PEMT: variants seen among roughly 807,000 people sequenced by gnomAD.
PEMT encodes phospholipid methyltransferase.
PEMT carries 23 observed loss-of-function variants against 27.4 expected under a neutral mutation model. That is an observed-to-expected ratio of 0.84 (90% CI 0.60 to 1.19). The LOEUF (loss-of-function observed/expected upper bound fraction) is 1.19. Ranked by LOEUF, PEMT falls within the 50% of genes most tolerant of loss-of-function variation. The pLI is 0.00. For synonymous variants in PEMT, 137 were observed against 139.1 expected (o/e 0.98, Z 0.11); for missense variants, 307 against 310.1 (o/e 0.99, Z 0.07).
chr17:17,524,848 G>A (rs981269360), intron 2 of PEMT, among the ~76,000 whole-genome samples: 3 of 152,104 alleles, frequency 2.0e-5, no homozygotes, highest in African/African-American at 4.8e-5. Flanking sequence ...GGTGGCTCAC[G>A]CCTGTAATCC....
chr17:17,529,839 C>A (rs1907958321), intron 2 of PEMT, among the ~76,000 whole-genome samples: 1 of 152,144 alleles, frequency 6.6e-6, no homozygotes, highest in South Asian at 2.1e-4. Context: ...AAGATGGAAC[C>A]CACCCCAGTG....
Position 17,582,067 on chromosome 17 carries a change from C to A in PEMT, c.97-5040G>T, listed in dbSNP as rs907193468. Among the ~76,000 whole-genome samples, 1 of 152,142 alleles carries A rather than the reference C, an allele frequency of 6.6e-6. No homozygotes were observed. Among genetic ancestry groups the A allele is most frequent in the Non-Finnish European group, 1.5e-5 (1 of 68,020 alleles). On this transcript the variant is annotated intron_variant, in intron 1 of 6. Coordinates refer to ENST00000255389, the MANE Select transcript of PEMT (RefSeq NM_148172.3). The surrounding 1 kb of genome is among the most constrained non-coding windows in gnomAD (Gnocchi z 4.9). The stretch of plus-strand genomic sequence containing the variant: ...GGGTCCCACATCCAGGCTCTGCCTC[C>A]GGGTGTCAGAGTCTCCCTTGATGGC...
intron 2 of PEMT, among the ~76,000 whole-genome samples, chr17:17,556,769 G>A (rs1846318329): frequency 6.6e-6 from 1 of 152,196 alleles, no homozygotes; most frequent in South Asian, 2.1e-4. Flanking sequence ...CCAAGCAACT[G>A]GGACTGAGAG....
intron 2 of PEMT, among the ~76,000 whole-genome samples, chr17:17,570,015 C>G (rs889314324): frequency 3.3e-5 from 5 of 152,226 alleles, no homozygotes; most frequent in African/African-American, 1.2e-4. Flanking sequence ...TGCATAGAAC[C>G]TGGCACAATG....
At chr17:17,564,471 A>T (rs950672296) in intron 2 of PEMT, among the ~76,000 whole-genome samples, 2 of 152,106 alleles carry the variant, frequency 1.3e-5, no homozygotes, top group African/African-American at 4.8e-5. Flanking sequence ...GGAAACTACA[A>T]GCAGGAGAGG....
chr17:17,538,345 T>G (rs939036416), intron 2 of PEMT, among the ~76,000 whole-genome samples: 5 of 152,162 alleles, frequency 3.3e-5, no homozygotes, highest in African/African-American at 1.2e-4. Flanking sequence ...AATATATATC[T>G]AAAAATTTGC....
At chr17:17,546,500 G>A (rs1326527299) in intron 2 of PEMT, among the ~76,000 whole-genome samples, 1 of 152,250 alleles carries the variant, frequency 6.6e-6, no homozygotes, top group African/African-American at 2.4e-5. Flanking sequence ...AGGTTTAAGT[G>A]ACTCTCATTG....
At chr17:17,578,382 CCA>C (rs1555545339) in intron 1 of PEMT, among the ~76,000 whole-genome samples, 14 of 151,914 alleles carry the variant, frequency 9.2e-5, no homozygotes, top group Non-Finnish European at 4.4e-5. Context: ...GGGCGTAGTT[CCA>C]GTTACTTGGG....
chr17:17,580,032 G>A (rs930095553), intron 1 of PEMT, among the ~76,000 whole-genome samples: 2 of 152,158 alleles, frequency 1.3e-5, no homozygotes, highest in Non-Finnish European at 2.9e-5. Flanking sequence ...GACACTGGCC[G>A]CTCATGAAGG....
intron 2 of PEMT, among the ~76,000 whole-genome samples, chr17:17,564,768 C>T (rs1910710919): frequency 6.6e-6 from 1 of 152,212 alleles, no homozygotes; most frequent in South Asian, 2.1e-4. Flanking sequence ...GGCTCACACC[C>T]ACCGCCCATG....
chr17:17,525,535 G>A (rs1361191719), intron 2 of PEMT, among the ~76,000 whole-genome samples: 1 of 152,224 alleles, frequency 6.6e-6, no homozygotes, highest in African/African-American at 2.4e-5. Flanking sequence ...TTAGTAGGCA[G>A]CGGCGTGGCC....
In PEMT at chr17:17,523,367, C is replaced by T. The variant is rs9896989; in HGVS notation, c.205-972G>A. On this transcript the variant is annotated intron_variant, in intron 2 of 6. Transcript: ENST00000255389. This position sits in a 1 kb window ranked among gnomAD's most constrained non-coding sequence, Gnocchi z 4.8. ...TCCCAAGTGGACCTGCCTTTCCCAG[C>T]AGTTGCGGCAGGAGAGTGATTAGCG... 9.7e-4 allele frequency among the ~76,000 whole-genome samples: 147 copies of T among 152,326 alleles called. No homozygotes were observed. Among genetic ancestry groups the T allele is most frequent in the African/African-American group, 3.5e-3 (147 of 41,566 alleles).
rs749334539 is a variant in PEMT, at chr17:17,522,333, G to A, written c.267C>T (p.Ala89=). 5.6e-6 allele frequency: 9 copies of A among 1,613,900 alleles called. No individual in the cohort carries two copies. Among genetic ancestry groups the A allele is most frequent in the East Asian group, 2.2e-5 (1 of 44,874 alleles). The change falls in exon 3 of 7, where the codon GCC becomes GCT. Residue 89 remains alanine, a synonymous_variant. Transcript: ENST00000255389. The part of the protein sequence containing the change: ...LSRAFGSPYL[A]CYSLSVTILL... ...GGATGGTGACGCTTAGAGAGTAGCA[G>A]GCCAGGTAGGGGGATCCGAAGGCCC...
At chr17:17,572,340 G>A (rs1911265126) in intron 2 of PEMT, among the ~76,000 whole-genome samples, 1 of 152,200 alleles carries the variant, frequency 6.6e-6, no homozygotes, top group Admixed American at 6.5e-5. Flanking sequence ...TCAGAGTCCA[G>A]GGAATGTCTC....
intron 2 of PEMT, among the ~76,000 whole-genome samples, chr17:17,538,905 A>G (rs960747151): frequency 6.6e-5 from 10 of 152,234 alleles, no homozygotes; most frequent in Non-Finnish European, 1.0e-4. Flanking sequence ...GCCGATAAGC[A>G]GCTGGGGCTC....
chr17:17,589,353 A>C (rs2142769166), intron 1 of PEMT, among the ~76,000 whole-genome samples: 1 of 151,712 alleles, frequency 6.6e-6, no homozygotes, highest in East Asian at 1.9e-4. Flanking sequence ...GGTGGAGGGC[A>C]TGGTACCCAG....
chr17:17,533,411 G>T (rs1408857185), intron 2 of PEMT, among the ~76,000 whole-genome samples: 2 of 152,232 alleles, frequency 1.3e-5, no homozygotes, highest in Non-Finnish European at 2.9e-5. Flanking sequence ...AAATCTTCAT[G>T]ACCCTGGATT....
intron 4 of PEMT, among the ~76,000 whole-genome samples, chr17:17,511,998 C>T (rs2142511550): frequency 6.6e-6 from 1 of 151,526 alleles, no homozygotes; most frequent in African/African-American, 2.4e-5. Flanking sequence ...GGTGCCTCCA[C>T]CCCTCACCCC....
intron 2 of PEMT, among the ~76,000 whole-genome samples, chr17:17,558,123 C>T (rs1006150206): frequency 2.6e-5 from 4 of 152,200 alleles, no homozygotes; most frequent in Non-Finnish European, 4.4e-5. Context: ...GGCAGAATCG[C>T]TGGAGCCCAG....
Sources: allele counts gnomAD v4.1 joint callset (sites outside exome capture counted in the v4.1 genomes callset), GRCh38; gene constraint gnomAD v4.1.1; non-coding constraint Gnocchi (gnomAD v3.1); transcripts MANE v1.5; gene names NCBI Gene and HGNC (gene_info 2026-07-23, HGNC 2026-07-21).